Variants in TENM3 observed in about 807,000 individuals in gnomAD.
TENM3 encodes teneurin-3.
A neutral mutation model predicts 255.1 loss-of-function variants in TENM3; 63 were observed. The observed-to-expected ratio is 0.25, with a 90% CI of 0.20 to 0.30. The LOEUF (loss-of-function observed/expected upper bound fraction) is 0.30, where lower values mean the gene tolerates loss of function less well. TENM3 is among the 10% of genes least tolerant of loss of function. TENM3 has a pLI of 1.00. For synonymous variants in TENM3, 1,306 were observed against 1,322.3 expected (o/e 0.99, Z 0.27); for missense variants, 2,929 against 3,461.1 (o/e 0.85, Z 3.86).
At chr4:182,194,392 G>T (rs750630739) in intron 1 of TENM3, among the ~76,000 whole-genome samples, 2 of 152,092 alleles carry the variant, frequency 1.3e-5, no homozygotes, top group Non-Finnish European at 2.9e-5. Context: ...AATGGAATTC[G>T]CAGGGTTACC....
chr4:182,234,064 G>A (rs1756741195), intron 1 of TENM3, among the ~76,000 whole-genome samples: 1 of 152,160 alleles, frequency 6.6e-6, no homozygotes, highest in Non-Finnish European at 1.5e-5. Context: ...AGCTGGTTTA[G>A]GGGTTTAGGG....
At chr4:181,853,839 T>C in the TENM3 span, among the ~76,000 whole-genome samples, 3 of 152,230 alleles carry the variant, frequency 2.0e-5, no homozygotes, top group African/African-American at 4.8e-5. Flanking sequence ...CCAAAGCATA[T>C]TGGCAAACTA....
At chr4:181,479,248 A>G in the TENM3 span, among the ~76,000 whole-genome samples, 1 of 152,200 alleles carries the variant, frequency 6.6e-6, no homozygotes, top group Admixed American at 6.5e-5. Flanking sequence ...GCTAATTGGA[A>G]TAGTAGATAG....
chr4:181,751,291 CT>C, the TENM3 span, among the ~76,000 whole-genome samples: 11 of 151,824 alleles, frequency 7.2e-5, no homozygotes, highest in Admixed American at 1.3e-4. Context: ...AGAGTCCAGT[CT>C]TTTAACTCAA....
the TENM3 span, among the ~76,000 whole-genome samples, chr4:181,719,502 T>C: frequency 5.9e-5 from 9 of 152,152 alleles, no homozygotes; most frequent in Admixed American, 6.5e-5. Flanking sequence ...TTCTTCCTCA[T>C]AGGCTGTGCT....
chr4:181,470,108 T>TAAAAAAAAAAAAAAAA, the TENM3 span, among the ~76,000 whole-genome samples: 13 of 112,736 alleles, frequency 1.2e-4, no homozygotes, highest in African/African-American at 3.9e-4. Flanking sequence ...ATAGCTTCTG[T>TAAAAAAAAAAAAAAAA]AAAAAAAAAA....
At chr4:181,651,458 T>G in the TENM3 span, among the ~76,000 whole-genome samples, 1 of 152,192 alleles carries the variant, frequency 6.6e-6, no homozygotes, top group South Asian at 2.1e-4. Flanking sequence ...CATGGTGGCA[T>G]GTGCCTGTAA....
the TENM3 span, among the ~76,000 whole-genome samples, chr4:181,473,835 G>GTGTATA: frequency 4.6e-3 from 659 of 142,462 alleles, 7 homozygotes; most frequent in African/African-American, 0.016. Context: ...TATGTATACT[G>GTGTATA]TATATATATA....
intron 3 of TENM3, among the ~76,000 whole-genome samples, chr4:182,472,546 A>C (rs1175273912): frequency 1.3e-5 from 2 of 152,220 alleles, no homozygotes; most frequent in Non-Finnish European, 2.9e-5. Context: ...TTTGCCTCTT[A>C]CATAGTGATC....
chr4:182,145,531 T>C (rs1451287260), intron 1 of TENM3, among the ~76,000 whole-genome samples: 2 of 152,246 alleles, frequency 1.3e-5, no homozygotes, highest in African/African-American at 4.8e-5. Flanking sequence ...CATCTTACTA[T>C]GCAGCTTGGA....
At chr4:182,360,738 T>C (rs1330943954) in intron 3 of TENM3, among the ~76,000 whole-genome samples, 1 of 152,074 alleles carries the variant, frequency 6.6e-6, no homozygotes, top group Non-Finnish European at 1.5e-5. Context: ...GTTAATATTG[T>C]TATGTGTGAA....
the TENM3 span, among the ~76,000 whole-genome samples, chr4:181,689,819 G>A: frequency 6.6e-6 from 1 of 152,116 alleles, no homozygotes; most frequent in Admixed American, 6.6e-5. Context: ...CTTCTTATTG[G>A]TGGCTGTCAT....
At chr4:182,424,193 A>G (rs1174640892) in intron 3 of TENM3, among the ~76,000 whole-genome samples, 3 of 152,208 alleles carry the variant, frequency 2.0e-5, no homozygotes, top group African/African-American at 7.2e-5. Flanking sequence ...ATTAAATTTA[A>G]AAAGCTAACT....
chr4:181,522,455 A>G, the TENM3 span, among the ~76,000 whole-genome samples: 1 of 152,192 alleles, frequency 6.6e-6, no homozygotes, highest in African/African-American at 2.4e-5. Flanking sequence ...CCTTTTTTCT[A>G]AACATCTTGC....
intron 25 of TENM3, among the ~76,000 whole-genome samples, chr4:182,790,726 T>A (rs996691377): frequency 6.6e-6 from 1 of 152,230 alleles, no homozygotes; most frequent in Non-Finnish European, 1.5e-5. Context: ...CATGGCTTCG[T>A]TCTGGAGCAG....
At chr4:182,542,667 G>T (rs980817423) in intron 3 of TENM3, among the ~76,000 whole-genome samples, 2 of 152,098 alleles carry the variant, frequency 1.3e-5, no homozygotes, top group African/African-American at 4.8e-5. Flanking sequence ...CCAGCGTTCC[G>T]TGTACTCTTT....
At chr4:181,893,176 T>C in the TENM3 span, among the ~76,000 whole-genome samples, 1 of 152,130 alleles carries the variant, frequency 6.6e-6, no homozygotes, top group African/African-American at 2.4e-5. Context: ...TGAAGCATGC[T>C]TAAATGAAAA....
chr4:182,155,045 G>A (rs1349309625), intron 1 of TENM3, among the ~76,000 whole-genome samples: 4 of 152,020 alleles, frequency 2.6e-5, no homozygotes, highest in Non-Finnish European at 4.4e-5. Context: ...TTACATAATT[G>A]TGTTTATATC....
At chr4:181,815,319 G>A in the TENM3 span, among the ~76,000 whole-genome samples, 1 of 151,730 alleles carries the variant, frequency 6.6e-6, no homozygotes. Context: ...AAATCTATCT[G>A]GGCATGATGG....
Sources: gnomAD v4.1 joint callset for allele counts (sites outside exome capture counted in the v4.1 genomes callset) on GRCh38, gnomAD v4.1.1 for gene constraint, MANE v1.5 for transcripts, NCBI Gene and HGNC (gene_info 2026-07-23, HGNC 2026-07-21) for gene names.